Variants in TRIM33 observed in about 807,000 individuals in gnomAD.
The protein encoded by TRIM33 is tripartite motif containing 33, also known as E3 ubiquitin-protein ligase TRIM33.
A neutral mutation model predicts 125.4 loss-of-function variants in TRIM33; 20 were observed. That is an observed-to-expected ratio of 0.16 (90% CI 0.11 to 0.23). TRIM33 has a LOEUF of 0.23. Among genes scored for constraint, TRIM33 ranks in the 10% least tolerant of loss-of-function variants. The probability of loss-of-function intolerance (pLI) is 1.00; values close to 1 mark genes in which losing one functional copy is unlikely to be tolerated. For synonymous variants in TRIM33, 564 were observed against 513.9 expected, an observed-to-expected ratio of 1.10 and a Z score of -1.32; for missense variants, 920 against 1,411.4, an observed-to-expected ratio of 0.65 and a Z score of 5.58.
In TRIM33 at chr1:114,422,707, G is replaced by A. The variant is rs190873199; in HGVS notation, c.1861-1071C>T. Among the ~76,000 whole-genome samples, 53 of 151,918 alleles carry A rather than the reference G, an allele frequency of 3.5e-4. No individual in the cohort carries two copies. The East Asian group carries it at 9.5e-3, about 27-fold the overall frequency. On this transcript the variant is annotated intron_variant, in intron 10 of 19. Coordinates refer to ENST00000358465, the MANE Select transcript of TRIM33 (RefSeq NM_015906.4). ...GTACAATTGGAAATAACGATGTTGG[G>A]TGTCTGACTCCAAAACCTGGGTAAC...
Position 114,465,873 on chromosome 1 carries a change from C to T in TRIM33, c.527-1485G>A, listed in dbSNP as rs573750565. On this transcript the variant is annotated intron_variant, in intron 1 of 19. Transcript: ENST00000358465. The stretch of plus-strand genomic sequence containing the variant: ...TGGCTAACATGGTGAAACCCCGTCT[C>T]TACTAAAAATTAAAAAAAAGTCAGC... Among the ~76,000 whole-genome samples the T allele has an allele frequency of 6.2e-3, 944 of 151,852 alleles. 13 individuals carry two copies. The highest frequency in any genetic ancestry group is 6.4e-3 in the Non-Finnish European group (435 of 67,910).
In TRIM33 at chr1:114,421,523, G is replaced by T; in HGVS notation, c.1974C>A (p.Thr658=). 1 of 1,614,118 alleles carries T rather than the reference G, an allele frequency of 6.2e-7. No homozygotes were observed. The highest frequency in any genetic ancestry group is 8.5e-7 in the Non-Finnish European group (1 of 1,180,024). ...GCTCTATTGCTGTAACAGATGGGCT[G>T]GTGGGACCTCGGTTTGCATTTGCCA... ...ATMANANRGP[T]SPSVTAIELI... Residue 658 remains threonine, a synonymous_variant, in exon 11 of 20, where the codon ACC becomes ACA. Transcript: ENST00000358465.
At chr1:114,460,567 C>G (rs1021497395) in intron 4 of TRIM33, among the ~76,000 whole-genome samples, 3 of 144,906 alleles carry the variant, frequency 2.1e-5, no homozygotes, top group Admixed American at 7.3e-5. Flanking sequence ...TAACACCCCC[C>G]GCCACCTTTT....
chr1:114,427,372 A>G (rs1647658318), intron 7 of TRIM33, 78 bp from the exon 8 acceptor site: 1 of 790,318 alleles, frequency 1.3e-6, no homozygotes. Context: ...CATTAAGAAA[A>G]AAAAGCACAT....
chr1:114,425,574 A>T lies in TRIM33; in HGVS notation c.1570T>A (p.Tyr524Asn). The change falls in exon 9 of 20, where the codon TAT (tyrosine) becomes AAT (asparagine). Residue 524 changes from tyrosine (Y) to asparagine (N), a missense_variant. This residue lies in a region of TRIM33 where 407 missense variants were observed against 589.7 expected (regional missense o/e 0.69). Transcript: ENST00000358465. Reference protein sequence around the residue: ...LRLQHMQQQVYAQKHQQLQQM... With the variant: ...LRLQHMQQQVNAQKHQQLQQM... ...TGCAACTGCTGATGTTTCTGTGCAT[A>T]TACTTGTTGTTGCATGTGCTGGAGT... 1 of 1,614,060 alleles carries T rather than the reference A, an allele frequency of 6.2e-7. No individual in the cohort carries two copies. The highest frequency in any genetic ancestry group is 8.5e-7 in the Non-Finnish European group (1 of 1,180,024).
chr1:114,463,090 T>G lies in TRIM33; in HGVS notation c.923+14A>C. ...TTTATAGTATTTCCTGGTAAGCAAT[T>G]ATGATTTCTGTACCTATGTTCTTTG... On this transcript the variant is annotated intron_variant, in intron 4 of 19. Coordinates refer to ENST00000358465, the MANE Select transcript of TRIM33 (RefSeq NM_015906.4). 1 of 1,567,514 alleles carries G rather than the reference T, an allele frequency of 6.4e-7. No individual in the cohort carries two copies. The highest frequency in any genetic ancestry group is 8.6e-7 in the Non-Finnish European group (1 of 1,161,364).
chr1:114,508,462 C>A (rs1653136178), intron 1 of TRIM33, among the ~76,000 whole-genome samples: 1 of 152,134 alleles, frequency 6.6e-6, no homozygotes, highest in Non-Finnish European at 1.5e-5. Context: ...CACAGACCAC[C>A]AGCAGTTATT....
chr1:114,489,086 A>G (rs988330627), intron 1 of TRIM33, among the ~76,000 whole-genome samples: 4 of 152,184 alleles, frequency 2.6e-5, no homozygotes, highest in African/African-American at 9.7e-5. Flanking sequence ...ATAAAGACAG[A>G]CATACAGATC....
At chr1:114,490,084 C>CAAAAAAAAAAAAAA (rs776451339) in intron 1 of TRIM33, among the ~76,000 whole-genome samples, 1 of 37,644 alleles carries the variant, frequency 2.7e-5, no homozygotes, top group Non-Finnish European at 5.2e-5. Context: ...GACTCCGTCT[C>CAAAAAAAAAAAAAA]AAAAAAAAAA....
chr1:114,397,765 C>G lies in TRIM33; in HGVS notation c.3267G>C (p.Leu1089Phe), dbSNP rs760678527. ...EIYSDRTFAP[L>F]PEFEQEEDDG... ...CATCCTCTTCCTGCTCAAACTCTGG[C>G]AAAGGTGCGAAGGTCCTGTCTGAGT... Residue 1089 changes from leucine (L) to phenylalanine (F), a missense_variant, in exon 20 of 20, where the codon TTG becomes TTC. Physicochemically the swap from Leu to Phe is conservative, Grantham distance 22 (BLOSUM62 0). Coordinates refer to ENST00000358465, the MANE Select transcript of TRIM33 (RefSeq NM_015906.4). 31 of 1,613,828 alleles carry G rather than the reference C, an allele frequency of 1.9e-5. No individual in the cohort carries two copies. The highest frequency in any genetic ancestry group is 2.5e-5 in the Non-Finnish European group (30 of 1,179,910).
At chr1:114,449,611 G>A (rs796931363) in intron 4 of TRIM33, among the ~76,000 whole-genome samples, 49 of 152,254 alleles carry the variant, frequency 3.2e-4, no homozygotes, top group African/African-American at 1.1e-3. Context: ...TAGTTTCAGC[G>A]AGTCAACCCT....
chr1:114,458,387 C>T (rs973957793), intron 4 of TRIM33, among the ~76,000 whole-genome samples: 7 of 152,144 alleles, frequency 4.6e-5, no homozygotes, highest in African/African-American at 1.4e-4. Context: ...AGATATTTTT[C>T]AGACTCTGCA....
rs576780219 is a variant in TRIM33, at chr1:114,491,045, G to C, written c.526+19506C>G. Among the ~76,000 whole-genome samples, 12 of 152,296 alleles carry C rather than the reference G, an allele frequency of 7.9e-5. No homozygotes were observed. The South Asian group carries it at 2.5e-3, about 32-fold the overall frequency. ...AGTGAGTAATAACTGCTAATTGGTA[G>C]AGGGTTTCTTTTGGGAGTAATAAAA... On this transcript the variant is annotated intron_variant, in intron 1 of 19. Transcript: ENST00000358465.
chr1:114,403,664 C>T (rs567997482), intron 15 of TRIM33, among the ~76,000 whole-genome samples: 34 of 152,094 alleles, frequency 2.2e-4, no homozygotes, highest in Admixed American at 7.9e-4. Context: ...CAGCCTCCTA[C>T]GTAGCTGGGA....
intron 1 of TRIM33, among the ~76,000 whole-genome samples, chr1:114,501,946 C>T (rs1652744770): frequency 6.6e-6 from 1 of 151,726 alleles, no homozygotes. Context: ...GTTCTTTTTC[C>T]CACTTCCCCT....
rs986767159 is a variant in TRIM33 at position 114,395,841 on chromosome 1, A to G, written c.*1807T>C. 11 of 192,938 alleles carry G rather than the reference A, an allele frequency of 5.7e-5. No individual in the cohort carries two copies. Among genetic ancestry groups the G allele is most frequent in the Non-Finnish European group, 1.2e-4 (11 of 92,446 alleles). The allele number at this position is 192,938 out of a possible 1,614,324, so 12.0% of individuals were successfully genotyped here. ...TAAAATCAATACTCTTTAAATACAC[A>G]ACCAGAAAGCCTGAATCATATTCCT... On this transcript the variant is annotated 3_prime_UTR_variant, in exon 20 of 20. Coordinates refer to ENST00000358465, the MANE Select transcript of TRIM33 (RefSeq NM_015906.4).
Position 114,511,133 on chromosome 1 carries a change from C to A in TRIM33, c.-57G>T, listed in dbSNP as rs1375447625. 1.8e-6 allele frequency: 2 copies of A among 1,090,192 alleles called. No homozygotes were observed. Among genetic ancestry groups the A allele is most frequent in the Non-Finnish European group, 2.2e-6 (2 of 900,398 alleles). The allele number at this position is 1,090,192 out of a possible 1,614,324, so 67.5% of individuals were successfully genotyped here. A position where few individuals can be genotyped will look rare whatever the true frequency, so the allele number is the denominator to read the frequency against. ...GCGCCGCCCGCCGCCCGCGTCGCCG[C>A]CGCCGCCGCCCCCAGCCCCAGCCGC... On this transcript the variant is annotated 5_prime_UTR_variant, in exon 1 of 20. Transcript: ENST00000358465.
rs563947581 is a variant in TRIM33 at position 114,484,673 on chromosome 1, G to C, written c.527-20285C>G. Among the ~76,000 whole-genome samples the C allele has an allele frequency of 2.0e-5, 3 of 152,184 alleles. No individual in the cohort carries two copies. In the South Asian group the frequency reaches 6.2e-4, roughly 32 times the overall value. ...AGCTCAGGAGTTCGAAACCAGCCTG[G>C]GCAACACAGTGAAACCCTGTCTCTA... On this transcript the variant is annotated intron_variant, in intron 1 of 19. Transcript: ENST00000358465.
Position 114,397,804 on chromosome 1 carries a change from T to A in TRIM33, c.3228A>T (p.Lys1076Asn). Residue 1076 changes from lysine to asparagine, a missense_variant, in exon 20 of 20, where the codon AAA (lysine) becomes AAT (asparagine). By Grantham distance (94) the Lys-to-Asn change is moderately conservative. This residue lies in a region of TRIM33 where 122 missense variants were observed against 236.8 expected (regional missense o/e 0.52). Coordinates refer to ENST00000358465, the MANE Select transcript of TRIM33 (RefSeq NM_015906.4). The stretch of plus-strand genomic sequence containing the variant: ...TCCTGTCTGAGTAGATCTCTGTGAG[T>A]TTATCTTCAAAGTACAATGCAACTG... ...GKAVALYFED[K>N]LTEIYSDRTF... The A allele has an allele frequency of 6.2e-7, 1 of 1,612,426 alleles. No homozygotes were observed. Among genetic ancestry groups the A allele is most frequent in the South Asian group, 1.1e-5 (1 of 90,980 alleles).
Sources: allele counts gnomAD v4.1 joint callset (sites outside exome capture counted in the v4.1 genomes callset), GRCh38; gene constraint gnomAD v4.1.1; regional missense constraint gnomAD v4.1.1; transcripts MANE v1.5; gene names NCBI Gene and HGNC (gene_info 2026-07-23, HGNC 2026-07-21).